Variants in ROBO2 observed in about 807,000 individuals in gnomAD.
ROBO2 encodes roundabout guidance receptor 2.
Under a neutral mutation model 160.8 loss-of-function variants are expected in ROBO2, and 53 were observed. The observed-to-expected ratio is 0.33, with a 90% CI of 0.26 to 0.41. ROBO2 has a LOEUF of 0.41. Ranked by LOEUF, ROBO2 falls within the 10% of genes least tolerant of loss-of-function variation. The probability of loss-of-function intolerance (pLI) is 1.00; values close to 1 mark genes in which losing one functional copy is unlikely to be tolerated. For synonymous variants in ROBO2, 664 were observed against 611.7 expected, an observed-to-expected ratio of 1.09 and a Z score of -1.26; for missense variants, 1,577 against 1,722.4, an observed-to-expected ratio of 0.92 and a Z score of 1.49.
chr3:77,427,511 T>G (rs2078327525), intron 2 of ROBO2, among the ~76,000 whole-genome samples: 1 of 152,196 alleles, frequency 6.6e-6, no homozygotes, highest in African/African-American at 2.4e-5. Flanking sequence ...GTATCGTAAT[T>G]GTTATTTGTT....
chr3:76,966,879 T>C (rs1297236205), intron 2 of ROBO2, among the ~76,000 whole-genome samples: 1 of 152,220 alleles, frequency 6.6e-6, no homozygotes, highest in Non-Finnish European at 1.5e-5. Context: ...AAATTTCATC[T>C]ACATATTACA....
At chr3:76,375,650 T>C (rs567750765) in intron 2 of ROBO2, among the ~76,000 whole-genome samples, 13 of 152,042 alleles carry the variant, frequency 8.6e-5, no homozygotes, top group African/African-American at 3.1e-4. Context: ...GGTGAATTAA[T>C]GAGGCACTTA....
intron 2 of ROBO2, among the ~76,000 whole-genome samples, chr3:76,721,612 A>G (rs2093468312): frequency 6.6e-6 from 1 of 152,210 alleles, no homozygotes; most frequent in Non-Finnish European, 1.5e-5. Context: ...ATTCTGGATC[A>G]TATGTGACTG....
chr3:77,107,117 C>T (rs1350997391), intron 2 of ROBO2, among the ~76,000 whole-genome samples: 3 of 152,202 alleles, frequency 2.0e-5, no homozygotes, highest in African/African-American at 7.2e-5. Flanking sequence ...TGTGAGGCCC[C>T]ACCTCCTGGT....
intron 2 of ROBO2, among the ~76,000 whole-genome samples, chr3:76,848,641 T>A (rs755093659): frequency 6.6e-6 from 1 of 152,206 alleles, no homozygotes; most frequent in Non-Finnish European, 1.5e-5. Flanking sequence ...TGGCAGACCC[T>A]GTGTCTTGTG....
At chr3:76,719,792 G>A (rs765583381) in intron 2 of ROBO2, among the ~76,000 whole-genome samples, 2 of 151,438 alleles carry the variant, frequency 1.3e-5, no homozygotes, top group Admixed American at 6.6e-5. Context: ...GCTGAGGCAC[G>A]AGAATCGCTT....
intron 2 of ROBO2, among the ~76,000 whole-genome samples, chr3:76,014,293 TG>T (rs1295871682): frequency 9.9e-5 from 7 of 70,740 alleles, no homozygotes; most frequent in South Asian, 5.4e-4. Flanking sequence ...AATTGGGGGC[TG>T]GGCACGGTGG....
chr3:75,932,826 C>T (rs1012561109), intron 1 of ROBO2, among the ~76,000 whole-genome samples: 5 of 152,150 alleles, frequency 3.3e-5, no homozygotes, highest in African/African-American at 1.2e-4. Flanking sequence ...ACATTTCCAA[C>T]CCATGTCTGT....
At chr3:77,514,776 A>G (rs1251131075) in intron 5 of ROBO2, among the ~76,000 whole-genome samples, 3 of 151,782 alleles carry the variant, frequency 2.0e-5, no homozygotes, top group Non-Finnish European at 2.9e-5. Context: ...AATGGTTACA[A>G]TGACATTAAT....
intron 6 of ROBO2, among the ~76,000 whole-genome samples, chr3:77,539,223 T>C (rs1050035722): frequency 4.6e-5 from 7 of 152,302 alleles, no homozygotes; most frequent in Admixed American, 1.3e-4. Context: ...CCCCGGCCTT[T>C]TGCAGGAACT....
At chr3:76,728,366 C>T (rs893185565) in intron 2 of ROBO2, among the ~76,000 whole-genome samples, 5 of 152,040 alleles carry the variant, frequency 3.3e-5, no homozygotes, top group African/African-American at 1.2e-4. Flanking sequence ...CTATGAAATA[C>T]GTTTATTATA....
chr3:76,623,672 C>G (rs9813304), intron 2 of ROBO2, among the ~76,000 whole-genome samples: 146,587 of 152,282 alleles, frequency 0.96, 70,737 homozygotes, highest in East Asian at 1. Context: ...CCAGAACCTA[C>G]ATTATTCTGA....
chr3:77,208,649 A>C (rs940779977), intron 2 of ROBO2, among the ~76,000 whole-genome samples: 1 of 152,210 alleles, frequency 6.6e-6, no homozygotes, highest in African/African-American at 2.4e-5. Context: ...AATCAGTCTC[A>C]TATGTGTTTG....
chr3:75,942,948 G>C (rs1399172738), intron 2 of ROBO2, among the ~76,000 whole-genome samples: 1 of 152,138 alleles, frequency 6.6e-6, no homozygotes, highest in Non-Finnish European at 1.5e-5. Flanking sequence ...ATGGGAGATA[G>C]TAAGAGACGT....
intron 12 of ROBO2, among the ~76,000 whole-genome samples, 162 bp from the exon 14 acceptor site, chr3:77,568,151 G>A (rs967416148): frequency 1.3e-5 from 2 of 151,912 alleles, no homozygotes; most frequent in Admixed American, 1.3e-4. Flanking sequence ...TACCACAGTG[G>A]TATATTTATA....
intron 2 of ROBO2, among the ~76,000 whole-genome samples, chr3:77,256,506 G>T (rs964715728): frequency 2.0e-5 from 3 of 151,524 alleles, no homozygotes; most frequent in African/African-American, 7.3e-5. Context: ...CTGTGTGTGT[G>T]TATGTGTGCA....
chr3:77,527,010 C>T (rs1455352768), intron 6 of ROBO2, among the ~76,000 whole-genome samples: 4 of 151,372 alleles, frequency 2.6e-5, no homozygotes, highest in African/African-American at 9.7e-5. Flanking sequence ...TTAAATCAGA[C>T]AGCGAGGCCT....
chr3:76,683,930 T>A (rs1464973608), intron 2 of ROBO2, among the ~76,000 whole-genome samples: 2 of 152,126 alleles, frequency 1.3e-5, no homozygotes, highest in Non-Finnish European at 2.9e-5. Context: ...TTTTTTTCTC[T>A]TTAAACATAG....
chr3:76,196,602 T>C (rs1702273189), intron 2 of ROBO2, among the ~76,000 whole-genome samples: 1 of 152,142 alleles, frequency 6.6e-6, no homozygotes, highest in African/African-American at 2.4e-5. Flanking sequence ...TTCTCAGAGG[T>C]AAACTATAAT....
Sources: gnomAD v4.1 joint callset for allele counts (sites outside exome capture counted in the v4.1 genomes callset) on GRCh38, gnomAD v4.1.1 for gene constraint, MANE v1.5 for transcripts, NCBI Gene and HGNC (gene_info 2026-07-23, HGNC 2026-07-21) for gene names.